Variants in GMDS observed in about 807,000 individuals in gnomAD.
The protein encoded by GMDS is GDP-mannose 4,6-dehydratase.
GMDS carries 20 observed loss-of-function variants against 49.9 expected under a neutral mutation model. That is an observed-to-expected ratio of 0.40 (90% CI 0.28 to 0.58). The LOEUF is 0.58. GMDS is among the 20% of genes least tolerant of loss of function. GMDS has a pLI of 0.42. For missense variants in GMDS, 362 were observed against 481.4 expected (o/e 0.75, Z 2.32); for synonymous variants, 177 against 178.6 (o/e 0.99, Z 0.07).
chr6:1,805,642 A>AT lies in GMDS; in HGVS notation c.772-63057dup, dbSNP rs199897320. Among the ~76,000 whole-genome samples, 144 of 152,318 alleles carry AT rather than the reference A, an allele frequency of 9.5e-4. 4 individuals carry two copies. The East Asian group carries it at 0.026, about 27-fold the overall frequency. Reference sequence around the variant, plus strand: ...TTCTGTTAATGCAGACATTAATGAGATTTTTTTAAATTTTGAAACAATGCC... The same window carrying AT: ...TTCTGTTAATGCAGACATTAATGAGATTTTTTTTAAATTTTGAAACAATGCC... On this transcript the variant is annotated intron_variant, in intron 7 of 10. Coordinates refer to ENST00000380815, the MANE Select transcript of GMDS (RefSeq NM_001500.4).
At chr6:1,732,112 G>A (rs1766833306) in intron 8 of GMDS, among the ~76,000 whole-genome samples, 1 of 152,192 alleles carries the variant, frequency 6.6e-6, no homozygotes, top group Admixed American at 6.5e-5. Context: ...TGGATCACAA[G>A]GTCTGGAGTT....
chr6:1,978,755 G>C (rs184188295), intron 4 of GMDS, among the ~76,000 whole-genome samples: 10 of 152,322 alleles, frequency 6.6e-5, no homozygotes, highest in Admixed American at 6.5e-4. Flanking sequence ...AAAGCAGCCA[G>C]ATTGTTTTTT....
At chr6:1,807,290 C>T (rs1477709435) in intron 7 of GMDS, among the ~76,000 whole-genome samples, 1 of 152,192 alleles carries the variant, frequency 6.6e-6, no homozygotes, top group Non-Finnish European at 1.5e-5. Context: ...AATCCTCCCA[C>T]CTTGGCCTCC....
chr6:1,959,732 C>T (rs895145439), intron 6 of GMDS, 135 bp downstream of exon 6: 1 of 427,878 alleles, frequency 2.3e-6, no homozygotes, highest in Admixed American at 4.2e-5. Flanking sequence ...TCTTCATTTG[C>T]TGCTCTGACA....
At chr6:2,110,650 C>G (rs1774496747) in intron 4 of GMDS, among the ~76,000 whole-genome samples, 1 of 152,186 alleles carries the variant, frequency 6.6e-6, no homozygotes, top group African/African-American at 2.4e-5. Flanking sequence ...CCGCACAACT[C>G]TGTGAGGAAA....
chr6:2,076,432 A>G (rs1379053513), intron 4 of GMDS, among the ~76,000 whole-genome samples: 1 of 152,226 alleles, frequency 6.6e-6, no homozygotes, highest in Non-Finnish European at 1.5e-5. Flanking sequence ...TATGGAACCA[A>G]AAGAGAGCCC....
At chr6:1,780,956 C>G (rs958115143) in intron 7 of GMDS, among the ~76,000 whole-genome samples, 1 of 152,112 alleles carries the variant, frequency 6.6e-6, no homozygotes, top group Admixed American at 6.5e-5. Flanking sequence ...TCATTCTGAA[C>G]ACAGTTTGAG....
intron 1 of GMDS, among the ~76,000 whole-genome samples, chr6:2,239,862 ATT>A (rs1781532263): frequency 6.6e-6 from 1 of 151,816 alleles, no homozygotes; most frequent in African/African-American, 2.4e-5. Context: ...ATTTTTTTGT[ATT>A]TTTAGTAGAG....
At chr6:1,638,342 C>G (rs965665801) in intron 9 of GMDS, among the ~76,000 whole-genome samples, 1 of 152,110 alleles carries the variant, frequency 6.6e-6, no homozygotes, top group Non-Finnish European at 1.5e-5. Context: ...CAGAGGGAAC[C>G]CTGGCTGAAG....
At chr6:1,644,665 C>T (rs1314596066) in intron 9 of GMDS, among the ~76,000 whole-genome samples, 1 of 152,174 alleles carries the variant, frequency 6.6e-6, no homozygotes, top group Non-Finnish European at 1.5e-5. Flanking sequence ...GAAGGAGATC[C>T]CAAGGTCCCT....
chr6:1,966,950 A>G lies in GMDS; in HGVS notation c.346-5984T>C, dbSNP rs932822392. Among the ~76,000 whole-genome samples the G allele has an allele frequency of 3.3e-5, 5 of 152,096 alleles. No homozygotes were observed. In the East Asian group the frequency reaches 5.8e-4, roughly 18 times the overall value. On this transcript the variant is annotated intron_variant, in intron 4 of 10. Coordinates refer to ENST00000380815, the MANE Select transcript of GMDS (RefSeq NM_001500.4). Reference sequence around the variant, plus strand: ...ACTGCAGGAACCTCTAACTAGTTCAATTTGAGTCCTCCCCCACCTGGCACC... The same window carrying G: ...ACTGCAGGAACCTCTAACTAGTTCAGTTTGAGTCCTCCCCCACCTGGCACC...
intron 9 of GMDS, among the ~76,000 whole-genome samples, chr6:1,641,943 T>C (rs1331987067): frequency 6.6e-6 from 1 of 152,096 alleles, no homozygotes; most frequent in African/African-American, 2.4e-5. Context: ...GGAAGCACAC[T>C]AGGAAGTTCT....
intron 4 of GMDS, among the ~76,000 whole-genome samples, chr6:2,022,418 C>T (rs1428892358): frequency 2.6e-5 from 4 of 151,994 alleles, no homozygotes; most frequent in South Asian, 2.1e-4. Context: ...TTTTTGCATT[C>T]GTGAGATTCA....
At position 1,894,487 on chromosome 6, in the gene GMDS, A is replaced by C. The variant is rs1760049963; in HGVS notation, c.771+35616T>G. Among the ~76,000 whole-genome samples, 2 of 152,222 alleles carry C rather than the reference A, an allele frequency of 1.3e-5. 1 individual carries two copies. Among genetic ancestry groups the C allele is most frequent in the South Asian group, 4.1e-4 (2 of 4,826 alleles). ...TTCATAATATTAAAACATTAAGAGAACAATAATGAATACTGGTATTAAATA... is the reference window on the plus strand; with the variant it reads ...TTCATAATATTAAAACATTAAGAGACCAATAATGAATACTGGTATTAAATA... On this transcript the variant is annotated intron_variant, in intron 7 of 10. Coordinates refer to ENST00000380815, the MANE Select transcript of GMDS (RefSeq NM_001500.4).
chr6:2,238,367 C>A (rs1273982644), intron 1 of GMDS, among the ~76,000 whole-genome samples: 1 of 152,130 alleles, frequency 6.6e-6, no homozygotes, highest in Non-Finnish European at 1.5e-5. Flanking sequence ...TCCAGAGGAA[C>A]AAAATAATTC....
chr6:1,815,909 G>C (rs1449143292), intron 7 of GMDS, among the ~76,000 whole-genome samples: 1 of 152,198 alleles, frequency 6.6e-6, no homozygotes, highest in Non-Finnish European at 1.5e-5. Flanking sequence ...CTGACAGAAT[G>C]TTGCAAAATA....
chr6:1,731,941 G>T (rs1307049812), intron 8 of GMDS, among the ~76,000 whole-genome samples: 1 of 152,186 alleles, frequency 6.6e-6, no homozygotes, highest in Admixed American at 6.5e-5. Flanking sequence ...GCAGAGTATG[G>T]GGTAAAGTTA....
chr6:1,923,716 G>A (rs934784306), intron 7 of GMDS, among the ~76,000 whole-genome samples: 35 of 152,182 alleles, frequency 2.3e-4, no homozygotes, highest in African/African-American at 7.5e-4. Context: ...CCAGTGAAAG[G>A]GTCGTGAAAA....
At chr6:1,645,406 A>G (rs1287483213) in intron 9 of GMDS, among the ~76,000 whole-genome samples, 1 of 152,194 alleles carries the variant, frequency 6.6e-6, no homozygotes, top group East Asian at 1.9e-4. Flanking sequence ...TTGATGGCAG[A>G]AGGCACTTTT....
Sources: gnomAD v4.1 joint callset for allele counts (sites outside exome capture counted in the v4.1 genomes callset) on GRCh38, gnomAD v4.1.1 for gene constraint, MANE v1.5 for transcripts, NCBI Gene and HGNC (gene_info 2026-07-23, HGNC 2026-07-21) for gene names.